PLXNA4: variants seen among roughly 807,000 people sequenced by gnomAD.
PLXNA4 encodes plexin-A4.
In PLXNA4, 44 loss-of-function variants were observed where a neutral mutation model predicts 191.8. The observed-to-expected ratio is 0.23, with a 90% confidence interval of 0.18 to 0.29. The LOEUF (loss-of-function observed/expected upper bound fraction) is 0.29, where lower values mean the gene tolerates loss of function less well. Ranked by LOEUF, PLXNA4 falls within the 10% of genes least tolerant of loss-of-function variation. PLXNA4 has a pLI of 1.00. For synonymous variants in PLXNA4, 1,082 were observed against 1,009.5 expected, an observed-to-expected ratio of 1.07 and a Z score of -1.36; for missense variants, 1,800 against 2,488.8, an observed-to-expected ratio of 0.72 and a Z score of 5.89.
Position 132,383,454 on chromosome 7 carries a change from C to T in PLXNA4, c.1372-85232G>A, listed in dbSNP as rs535966779. ...TAAATAGAAAACAATAAATAAACCA[C>T]ACCTCATCCCATTTTCCAAGCACAA... On this transcript the variant is annotated intron_variant, in intron 3 of 31. Coordinates refer to ENST00000321063, the MANE Select transcript of PLXNA4 (RefSeq NM_020911.2). 1.2e-4 allele frequency: 61 copies of T among 527,826 alleles called. No homozygotes were observed. The Middle Eastern group carries it at 5.9e-3, about 51-fold the overall frequency. The allele number at this position is 527,826 out of a possible 1,614,324, so 32.7% of individuals were successfully genotyped here. A position where few individuals can be genotyped will look rare whatever the true frequency, so the allele number is the denominator to read the frequency against.
intron 25 of PLXNA4, among the ~76,000 whole-genome samples, chr7:132,156,420 C>T (rs747869919): frequency 6.6e-6 from 1 of 152,048 alleles, no homozygotes; most frequent in Non-Finnish European, 1.5e-5. Context: ...AAGCAAGAGC[C>T]GGGAGGGTTG....
intron 6 of PLXNA4, 91 bp from the exon 7 acceptor site, chr7:132,227,695 G>C: frequency 2.9e-5 from 44 of 1,495,396 alleles, no homozygotes; most frequent in Non-Finnish European, 3.8e-5. Flanking sequence ...GAGAGTGAGA[G>C]AGATCACAGG....
chr7:132,474,214 T>TCACACACACACACACACACA (rs56832356), intron 3 of PLXNA4, among the ~76,000 whole-genome samples: 5 of 140,192 alleles, frequency 3.6e-5, no homozygotes, highest in African/African-American at 1.3e-4. Flanking sequence ...TCTCTCTGTC[T>TCACACACACACACACACACA]CACACACACA....
At chr7:132,363,996 G>A (rs2116864159) in intron 3 of PLXNA4, among the ~76,000 whole-genome samples, 1 of 152,368 alleles carries the variant, frequency 6.6e-6, no homozygotes, top group Non-Finnish European at 1.5e-5. Flanking sequence ...AGGAGCAATA[G>A]CTTGAATCCA....
In PLXNA4 at chr7:132,241,887, C is replaced by A. The variant is rs149128377; in HGVS notation, c.1504-721G>T. Reference sequence around the variant, plus strand: ...ACCCAAAACTTTATATTAGCTTTCACCAGCCGCCTGCTAATGTAAAATGTT... The same window carrying A: ...ACCCAAAACTTTATATTAGCTTTCAACAGCCGCCTGCTAATGTAAAATGTT... On this transcript the variant is annotated intron_variant, in intron 4 of 31. Transcript: ENST00000321063. 5.9e-5 allele frequency among the ~76,000 whole-genome samples: 9 copies of A among 152,324 alleles called. No homozygotes were observed. In the East Asian group the frequency reaches 1.7e-3, roughly 29 times the overall value.
chr7:132,221,215 A>C (rs543599884), intron 9 of PLXNA4, among the ~76,000 whole-genome samples: 3 of 152,148 alleles, frequency 2.0e-5, no homozygotes, highest in Non-Finnish European at 2.9e-5. Context: ...AAAAGAAAGA[A>C]ATTTGGTACA....
chr7:132,253,889 C>T (rs1014452030), intron 4 of PLXNA4, among the ~76,000 whole-genome samples: 2 of 152,214 alleles, frequency 1.3e-5, no homozygotes, highest in African/African-American at 4.8e-5. Flanking sequence ...TGTGCAGACG[C>T]TATCACGCAC....
chr7:132,133,848 G>A (rs891087077), intron 30 of PLXNA4, among the ~76,000 whole-genome samples: 6 of 152,180 alleles, frequency 3.9e-5, no homozygotes, highest in African/African-American at 1.4e-4. Context: ...ATGAGGAACT[G>A]AAAGGCCTCA....
At chr7:132,363,716 C>T (rs1275190577) in intron 3 of PLXNA4, among the ~76,000 whole-genome samples, 1 of 152,226 alleles carries the variant, frequency 6.6e-6, no homozygotes, top group Non-Finnish European at 1.5e-5. Context: ...AGAAGTGTAA[C>T]CGCTGGATCA....
intron 21 of PLXNA4, among the ~76,000 whole-genome samples, chr7:132,171,387 G>A (rs767227736): frequency 5.3e-4 from 80 of 152,160 alleles, no homozygotes; most frequent in Non-Finnish European, 7.8e-4. Context: ...CCAAGTGCCC[G>A]TTCGTCCTCC....
In PLXNA4 at chr7:132,133,074, G is replaced by T; in HGVS notation, c.5564C>A (p.Ser1855Tyr). The change falls in exon 31 of 32, where the codon TCC becomes TAC. Residue 1855 changes from serine to tyrosine, a missense_variant. Ser to Tyr is a moderately radical substitution (Grantham distance 144). Transcript: ENST00000321063. ...CTCCTCGCTGTATTTGCCCACATAG[G>T]AGAAGATCTCTGAGAGTGCACTCAT... ...NTMSALSEIF[S>Y]YVGKYSEEIL... is the part of the protein sequence containing the mutation. The T allele has an allele frequency of 6.2e-7, 1 of 1,614,144 alleles. No homozygotes were observed. Among genetic ancestry groups the T allele is most frequent in the South Asian group, 1.1e-5 (1 of 91,074 alleles).
At chr7:132,132,123 G>T (rs1454008628) in intron 31 of PLXNA4, among the ~76,000 whole-genome samples, 3 of 152,234 alleles carry the variant, frequency 2.0e-5, no homozygotes, top group African/African-American at 2.4e-5. Context: ...CTGACTAGAA[G>T]CCCAGGAAGA....
At chr7:132,545,205 C>G (rs1800246741) in intron 1 of PLXNA4, among the ~76,000 whole-genome samples, 1 of 152,204 alleles carries the variant, frequency 6.6e-6, no homozygotes, top group Non-Finnish European at 1.5e-5. Context: ...CTAATTCTCT[C>G]AAAAGGACCT....
At chr7:132,571,063 T>G (rs1585369149) in intron 1 of PLXNA4, among the ~76,000 whole-genome samples, 1 of 150,880 alleles carries the variant, frequency 6.6e-6, no homozygotes, top group African/African-American at 2.4e-5. Flanking sequence ...AAAGAAATAA[T>G]GCATGGAATA....
chr7:132,601,098 T>C (rs558083234), intron 2 of PLXNA4, among the ~76,000 whole-genome samples: 19 of 152,304 alleles, frequency 1.2e-4, no homozygotes, highest in African/African-American at 4.6e-4. Context: ...TGTAAACACC[T>C]TGAGATCAGA....
chr7:132,182,613 G>A (rs921979560), intron 16 of PLXNA4, among the ~76,000 whole-genome samples: 6 of 152,176 alleles, frequency 3.9e-5, no homozygotes, highest in East Asian at 1.9e-4. Flanking sequence ...GCTCCAGATT[G>A]TCCCCACCAC....
At chr7:132,368,721 A>T (rs557525628) in intron 3 of PLXNA4, among the ~76,000 whole-genome samples, 3 of 152,280 alleles carry the variant, frequency 2.0e-5, no homozygotes, top group Non-Finnish European at 2.9e-5. Context: ...AGCTGAGAAG[A>T]ACTGACAAGC....
intron 4 of PLXNA4, among the ~76,000 whole-genome samples, chr7:132,295,893 A>C (rs557933465): frequency 6.6e-6 from 1 of 152,326 alleles, no homozygotes; most frequent in African/African-American, 2.4e-5. Flanking sequence ...TCTTGGAAAA[A>C]AACTATCTGA....
At chr7:132,301,973 AAGAC>A (rs1433975816) in intron 3 of PLXNA4, among the ~76,000 whole-genome samples, 1 of 152,196 alleles carries the variant, frequency 6.6e-6, no homozygotes, top group Non-Finnish European at 1.5e-5. Flanking sequence ...AATGGCATAT[AAGAC>A]TAGAACCCAG....
Sources: allele counts gnomAD v4.1 joint callset (sites outside exome capture counted in the v4.1 genomes callset), GRCh38; gene constraint gnomAD v4.1.1; transcripts MANE v1.5; gene names NCBI Gene and HGNC (gene_info 2026-07-23, HGNC 2026-07-21).